The following NTF4 variants were observed in gnomAD, a reference collection of about 807,000 sequenced individuals.
NTF4 encodes neurotrophin 4, also known as neurotrophin-4.
In NTF4, 2 loss-of-function variants were observed where a neutral mutation model predicts 4.4. The ratio of observed to expected loss-of-function variants is 0.46; its 90% CI spans 0.19 to 1.44. The LOEUF is 1.44. NTF4 is among the 40% of genes most tolerant of loss of function. The pLI, the probability that NTF4 is intolerant of heterozygous loss-of-function variation, is 0.26. For missense variants in NTF4, 260 were observed against 293.0 expected, an observed-to-expected ratio of 0.89 and a Z score of 0.82; for synonymous variants, 127 against 122.0, an observed-to-expected ratio of 1.04 and a Z score of -0.27.
At chr19:49,062,535 G>A (rs916762381), upstream of NTF4, among the ~76,000 whole-genome samples, 2 of 151,940 alleles carry the variant, frequency 1.3e-5, no homozygotes, top group Admixed American at 6.6e-5. Flanking sequence ...CTGTAATCCC[G>A]GCACTTTGGG....
chr19:49,061,270 T>G lies in NTF4; in HGVS notation c.*95A>C, dbSNP rs1424057298. The G allele has an allele frequency of 2.5e-6, 4 of 1,571,062 alleles. No individual in the cohort carries two copies. The highest frequency in any genetic ancestry group is 3.4e-6 in the Non-Finnish European group (4 of 1,163,338). ...AATCAGAGAATTGTGATTTTGTGAT[T>G]ATTTGATGAGTTCCCAAACTGGGGT... On this transcript the variant is annotated 3_prime_UTR_variant, in exon 1 of 1. Coordinates refer to ENST00000593537, the Ensembl canonical transcript of NTF4. The surrounding 1 kb of genome is among the most constrained non-coding windows in gnomAD (Gnocchi z 4.9).
In NTF4 at chr19:49,061,234, A is replaced by G. The variant is rs1324740082; in HGVS notation, c.*131T>C. The G allele has an allele frequency of 1.3e-6, 2 of 1,518,944 alleles. No homozygotes were observed. The highest frequency in any genetic ancestry group is 2.7e-5 in the African/African-American group (2 of 72,746). 94.1% of individuals were successfully genotyped at this position (1,518,944 alleles called of 1,614,324 possible). A position where few individuals can be genotyped will look rare whatever the true frequency, so the allele number is the denominator to read the frequency against. On this transcript the variant is annotated 3_prime_UTR_variant, in exon 1 of 1. Transcript: ENST00000593537. The surrounding 1 kb of genome is among the most constrained non-coding windows in gnomAD (Gnocchi z 4.9). ...ATGTGGTTTCACCCATCCTGCAGAG[A>G]TTGAGCTCAAAATCAGAGAATTGTG...
At chr19:49,062,112 G>T (rs560362881), upstream of NTF4, 89 of 1,314,796 alleles carry the variant, frequency 6.8e-5, no homozygotes, top group East Asian at 2.1e-3. Flanking sequence ...CAGGATTGTG[G>T]GGAAGCCCTT....
At chr19:49,058,625 G>A, downstream of NTF4, 2 of 397,876 alleles carry the variant, frequency 5.0e-6, no homozygotes, top group Non-Finnish European at 4.5e-6. Context: ...CACCGTGGGC[G>A]GGGGGAAGGG....
upstream of NTF4, chr19:49,063,785 A>C (rs1037406368): frequency 6.6e-6 from 1 of 152,152 alleles, no homozygotes; most frequent in Non-Finnish European, 1.5e-5. Context: ...GGGAGTCCCC[A>C]GGCTTCGGGG....
chr19:49,059,656 A>C (rs928896248), downstream of NTF4, among the ~76,000 whole-genome samples: 1 of 152,090 alleles, frequency 6.6e-6, no homozygotes, highest in African/African-American at 2.4e-5. Context: ...GACCTGAGAG[A>C]GAGAGAGAGA....
chr19:49,058,774 A>C (rs1600244530), downstream of NTF4: 1 of 166,252 alleles, frequency 6.0e-6, no homozygotes, highest in Non-Finnish European at 1.3e-5. Flanking sequence ...CCATGGTTCC[A>C]CCCCCTCCCT....
rs1051216517 is a variant in NTF4 at position 49,061,845 on chromosome 19, A to G, written c.153T>C (p.Gly51=). The change falls in exon 1 of 1, where the codon GGT becomes GGC. Residue 51 remains glycine (G), a synonymous_variant. Coordinates refer to ENST00000593537, the Ensembl canonical transcript of NTF4. The surrounding 1 kb of genome is among the most constrained non-coding windows in gnomAD (Gnocchi z 4.9). ...AGAGCAGAGGGGGCCCAGCAGGGGC[A>G]CCCCTAGACAGGACTACTCGGGGGG... is the stretch of plus-strand genomic sequence containing the variant. 1.3e-6 allele frequency: 2 copies of G among 1,549,072 alleles called. No homozygotes were observed. The highest frequency in any genetic ancestry group is 1.7e-6 in the Non-Finnish European group (2 of 1,146,166).
chr19:49,061,193 C>T lies in NTF4; in HGVS notation c.*172G>A, dbSNP rs554602150. On this transcript the variant is annotated 3_prime_UTR_variant, in exon 1 of 1. Transcript: ENST00000593537. The surrounding 1 kb of genome is among the most constrained non-coding windows in gnomAD (Gnocchi z 4.9). ...AAGTTGCTCCAGGAGAACTCCTATT[C>T]AACCTCCAAAACCCCATGTGGTTTC... 5 of 1,329,950 alleles carry T rather than the reference C, an allele frequency of 3.8e-6. No individual in the cohort carries two copies. Among genetic ancestry groups the T allele is most frequent in the Non-Finnish European group, 5.1e-6 (5 of 986,214 alleles). The allele number at this position is 1,329,950 out of a possible 1,614,324, so 82.4% of individuals were successfully genotyped here. A position where few individuals can be genotyped will look rare whatever the true frequency, so the allele number is the denominator to read the frequency against.
Position 49,061,975 on chromosome 19 carries a change from G to A in NTF4, c.23C>T (p.Ser8Phe), listed in dbSNP as rs1055260802. 6.7e-7 allele frequency: 1 copy of A among 1,484,588 alleles called. No individual in the cohort carries two copies. 92.0% of individuals were successfully genotyped at this position (1,484,588 alleles called of 1,614,324 possible). ...GAGGAAAAGGAGGAGGATGGGGAGG[G>A]AGCATGAGGGGAGAGGGAGCATCTC... Residue 8 changes from serine to phenylalanine, a missense_variant, in exon 1 of 1, where the codon TCC becomes TTC. Transcript: ENST00000593537. The surrounding 1 kb of genome is among the most constrained non-coding windows in gnomAD (Gnocchi z 4.9).
downstream of NTF4, among the ~76,000 whole-genome samples, chr19:49,059,023 G>T (rs1460095134): frequency 6.6e-6 from 1 of 152,076 alleles, no homozygotes; most frequent in Non-Finnish European, 1.5e-5. Flanking sequence ...CCAGGGGGTG[G>T]GGGAGACAGA....
chr19:49,064,070 A>T (rs2040186276), upstream of NTF4: 1 of 152,950 alleles, frequency 6.5e-6, no homozygotes, highest in Non-Finnish European at 1.5e-5. Flanking sequence ...AGAATAGGGG[A>T]AGGGAGAGGC....
chr19:49,062,061 G>A (rs1212538266), upstream of NTF4: 1 of 1,423,644 alleles, frequency 7.0e-7, no homozygotes, highest in Non-Finnish European at 9.2e-7. Flanking sequence ...AAAAACTTCA[G>A]TGGGGAAAGA....
chr19:49,058,507 A>C, downstream of NTF4: 2 of 544,498 alleles, frequency 3.7e-6, no homozygotes, highest in Non-Finnish European at 6.4e-6. Flanking sequence ...GGACTCCAGG[A>C]CCCTCCTCCT....
Position 49,061,794 on chromosome 19 carries a change from C to A in NTF4, c.204G>T (p.Arg68=). The change falls in exon 1 of 1, where the codon CGG becomes CGT. Residue 68 remains arginine, a synonymous_variant. Transcript: ENST00000593537. The surrounding 1 kb of genome is among the most constrained non-coding windows in gnomAD (Gnocchi z 4.9). ...GGTTGGCCGGGGCACCTGCTGACTC[C>A]CGAAAGGCCCCAGCCTCCAGCAGGA... 2 of 1,556,672 alleles carry A rather than the reference C, an allele frequency of 1.3e-6. No homozygotes were observed. Among genetic ancestry groups the A allele is most frequent in the Non-Finnish European group, 1.7e-6 (2 of 1,150,896 alleles).
rs2040134034 is a variant in NTF4, at chr19:49,061,413, A to G, written c.585T>C (p.Ile195=). ...GGAGTGTGCAGACGCAGGCAGTGTC[A>G]ATTCGAATCCATCGCCAGCCCACAC... The change falls in exon 1 of 1, where the codon ATT becomes ATC. Residue 195 remains isoleucine (I), a synonymous_variant. Transcript: ENST00000593537. This position sits in a 1 kb window ranked among gnomAD's most constrained non-coding sequence, Gnocchi z 4.9. 2 of 1,613,460 alleles carry G rather than the reference A, an allele frequency of 1.2e-6. No homozygotes were observed. The highest frequency in any genetic ancestry group is 2.7e-5 in the African/African-American group (2 of 74,890).
At chr19:49,059,974 CTGCAGTGAG>C (rs1312742816), downstream of NTF4, among the ~76,000 whole-genome samples, 1 of 127,100 alleles carries the variant, frequency 7.9e-6, no homozygotes, top group Non-Finnish European at 1.6e-5. Flanking sequence ...GAGGTGAAGG[CTGCAGTGAG>C]CTCAGATCAC....
downstream of NTF4, among the ~76,000 whole-genome samples, chr19:49,060,326 G>A (rs1035463625): frequency 1.3e-5 from 2 of 151,996 alleles, no homozygotes; most frequent in African/African-American, 4.8e-5. Flanking sequence ...ACTCAAGCTG[G>A]ACAAAATTTT....
chr19:49,061,237 G>T lies in NTF4; in HGVS notation c.*128C>A. The T allele has an allele frequency of 1.3e-6, 2 of 1,521,910 alleles. No homozygotes were observed. The highest frequency in any genetic ancestry group is 1.8e-6 in the Non-Finnish European group (2 of 1,136,160). 94.3% of individuals were successfully genotyped at this position (1,521,910 alleles called of 1,614,324 possible). A position where few individuals can be genotyped will look rare whatever the true frequency, so the allele number is the denominator to read the frequency against. ...TGGTTTCACCCATCCTGCAGAGATT[G>T]AGCTCAAAATCAGAGAATTGTGATT... On this transcript the variant is annotated 3_prime_UTR_variant, in exon 1 of 1. Coordinates refer to ENST00000593537, the Ensembl canonical transcript of NTF4. The surrounding 1 kb of genome is among the most constrained non-coding windows in gnomAD (Gnocchi z 4.9).
Sources: gnomAD v4.1 joint callset for allele counts (sites outside exome capture counted in the v4.1 genomes callset) on GRCh38, gnomAD v4.1.1 for gene constraint, Gnocchi (gnomAD v3.1) non-coding constraint, MANE v1.5 for transcripts, NCBI Gene and HGNC (gene_info 2026-07-23, HGNC 2026-07-21) for gene names.